Variants in ZNF385D observed in about 807,000 individuals in gnomAD.
ZNF385D encodes zinc finger protein 385D.
A neutral mutation model predicts 35.8 loss-of-function variants in ZNF385D; 15 were observed. The observed-to-expected ratio is 0.42, with a 90% CI of 0.28 to 0.64. ZNF385D has a LOEUF of 0.64. Among genes scored for constraint, ZNF385D ranks in the 30% least tolerant of loss-of-function variants. ZNF385D has a pLI of 0.23. For synonymous variants in ZNF385D, 212 were observed against 186.8 expected (o/e 1.13, Z -1.10); for missense variants, 474 against 494.6 (o/e 0.96, Z 0.39).
chr3:22,168,189 C>T (rs1461511993), intron 3 of ZNF385D, among the ~76,000 whole-genome samples: 1 of 152,136 alleles, frequency 6.6e-6, no homozygotes, highest in African/African-American at 2.4e-5. Context: ...TGTACGGGCC[C>T]ACCCTCCTCT....
intron 3 of ZNF385D, among the ~76,000 whole-genome samples, chr3:21,960,917 A>T (rs1702551815): frequency 6.6e-6 from 1 of 152,078 alleles, no homozygotes; most frequent in Non-Finnish European, 1.5e-5. Context: ...GTATTAGAGG[A>T]TATGGAGAAG....
chr3:22,222,190 T>A (rs1164704395), intron 2 of ZNF385D, among the ~76,000 whole-genome samples: 1 of 152,048 alleles, frequency 6.6e-6, no homozygotes, highest in Non-Finnish European at 1.5e-5. Flanking sequence ...TTGGCTAGGC[T>A]GGTCCTGTCC....
intron 4 of ZNF385D, among the ~76,000 whole-genome samples, chr3:21,506,685 T>C (rs1420481144): frequency 6.6e-6 from 1 of 152,348 alleles, no homozygotes; most frequent in South Asian, 2.1e-4. Flanking sequence ...GGAAATGCTC[T>C]ATGAAATATT....
chr3:21,892,328 G>C (rs1698911324), intron 3 of ZNF385D, among the ~76,000 whole-genome samples: 1 of 152,128 alleles, frequency 6.6e-6, no homozygotes, highest in Admixed American at 6.5e-5. Flanking sequence ...AAACCTAGAA[G>C]GAGAAATAAT....
In ZNF385D at chr3:22,072,147, C is replaced by T. The variant is rs918604594; in HGVS notation, c.325+96670G>A. Among the ~76,000 whole-genome samples the T allele has an allele frequency of 4.6e-5, 7 of 152,038 alleles. No individual in the cohort carries two copies. The East Asian group carries it at 1.2e-3, about 25-fold the overall frequency. On this transcript the variant is annotated intron_variant, in intron 3 of 5. Coordinates refer to the ZNF385D transcript ENST00000494108. ...CAGAATCATGAGATTATAAATTAGA[C>T]ACCTCTATTCTAAGTTAGTTTTATA...
rs558241421 is a variant in ZNF385D, at chr3:22,319,930, TA to T, written c.106+52519del. 1.6e-4 allele frequency among the ~76,000 whole-genome samples: 25 copies of T among 152,306 alleles called. No individual in the cohort carries two copies. In the East Asian group the frequency reaches 4.6e-3, roughly 28 times the overall value. On this transcript the variant is annotated intron_variant, in intron 2 of 5. Transcript: ENST00000494108. ...TGCTATGTCCCATAGGTTTTTATCA[TA>T]AAACATCTTACTATTTATTATTTTG...
chr3:22,311,071 C>A (rs1379367284), intron 2 of ZNF385D, among the ~76,000 whole-genome samples: 4 of 151,298 alleles, frequency 2.6e-5, no homozygotes, highest in African/African-American at 7.3e-5. Flanking sequence ...AGCAAGCAAC[C>A]CAGGTTATTG....
intron 2 of ZNF385D, among the ~76,000 whole-genome samples, chr3:22,193,602 AATCT>A (rs1696209679): frequency 6.6e-6 from 1 of 152,016 alleles, no homozygotes; most frequent in Non-Finnish European, 1.5e-5. Context: ...CAGTTTTTCT[AATCT>A]ATTTGACCAC....
chr3:21,652,504 A>G (rs1196910521), intron 2 of ZNF385D, among the ~76,000 whole-genome samples: 1 of 152,160 alleles, frequency 6.6e-6, no homozygotes, highest in East Asian at 1.9e-4. Context: ...TTTAAGTTTT[A>G]GGATACATGT....
At chr3:21,872,166 T>TA (rs1201045540) in intron 3 of ZNF385D, among the ~76,000 whole-genome samples, 3 of 152,170 alleles carry the variant, frequency 2.0e-5, no homozygotes, top group Non-Finnish European at 4.4e-5. Context: ...ATTTATAAGT[T>TA]AAAAACACAC....
chr3:21,891,119 A>AT (rs200523058), intron 3 of ZNF385D, among the ~76,000 whole-genome samples: 2,348 of 152,318 alleles, frequency 0.015, 17 homozygotes, highest in Non-Finnish European at 0.02. Context: ...GTAATACTCT[A>AT]TAAGATTTTT....
At chr3:21,913,373 T>A (rs544833354) in intron 3 of ZNF385D, among the ~76,000 whole-genome samples, 1 of 152,068 alleles carries the variant, frequency 6.6e-6, no homozygotes, top group Non-Finnish European at 1.5e-5. Flanking sequence ...ACAGAAAAAA[T>A]TGGCACATTC....
chr3:21,952,941 AAG>A (rs1291909663), intron 3 of ZNF385D, among the ~76,000 whole-genome samples: 5 of 152,022 alleles, frequency 3.3e-5, no homozygotes, highest in Non-Finnish European at 7.4e-5. Context: ...CAGACTTTCA[AAG>A]AGGTTTCCCA....
intron 3 of ZNF385D, among the ~76,000 whole-genome samples, chr3:22,044,773 C>A (rs1022158161): frequency 6.6e-6 from 1 of 152,004 alleles, no homozygotes; most frequent in Admixed American, 6.6e-5. Flanking sequence ...CTTCCAAGAT[C>A]TTCAAGTTTC....
Position 21,414,218 on chromosome 3 carries a change from CAAAAA to C in ZNF385D, c.*6991_*6995del, listed in dbSNP as rs367724582. On this transcript the variant is annotated 3_prime_UTR_variant, in exon 8 of 8. Coordinates refer to ENST00000281523, the MANE Select transcript of ZNF385D (RefSeq NM_024697.3). ...CAAAACAAAACAAAACAAAACAAAA[CAAAAA>C]AAAGTTCAGTTAGGAGACCTTAGTT... is the stretch of plus-strand genomic sequence containing the variant. The C allele has an allele frequency of 4.2e-5, 2 of 47,974 alleles. No individual in the cohort carries two copies. Among genetic ancestry groups the C allele is most frequent in the African/African-American group, 1.0e-4 (2 of 19,602 alleles). The allele number at this position is 47,974 out of a possible 1,614,324, so 3.0% of individuals were successfully genotyped here. A position where few individuals can be genotyped will look rare whatever the true frequency, so the allele number is the denominator to read the frequency against.
At chr3:22,033,095 T>A (rs1182831624) in intron 3 of ZNF385D, among the ~76,000 whole-genome samples, 3 of 151,950 alleles carry the variant, frequency 2.0e-5, no homozygotes, top group Admixed American at 6.6e-5. Context: ...TGCTGCGAGG[T>A]CAAAGAGTAT....
intron 3 of ZNF385D, among the ~76,000 whole-genome samples, chr3:21,843,163 A>G (rs572587264): frequency 2.1e-4 from 32 of 152,158 alleles, no homozygotes; most frequent in African/African-American, 7.2e-4. Flanking sequence ...GCTGAACAGG[A>G]CAATCATTGT....
chr3:21,748,973 A>G (rs971331185), intron 1 of ZNF385D, among the ~76,000 whole-genome samples: 9 of 152,148 alleles, frequency 5.9e-5, no homozygotes, highest in African/African-American at 2.2e-4. Context: ...GATATCTAAC[A>G]GCTTGTACGA....
intron 1 of ZNF385D, among the ~76,000 whole-genome samples, chr3:21,729,892 C>T (rs902094880): frequency 2.0e-5 from 3 of 152,154 alleles, no homozygotes; most frequent in Non-Finnish European, 2.9e-5. Context: ...TGCTGGAATG[C>T]AGGAGCAACC....
Sources: gnomAD v4.1 joint callset for allele counts (sites outside exome capture counted in the v4.1 genomes callset) on GRCh38, gnomAD v4.1.1 for gene constraint, MANE v1.5 for transcripts, NCBI Gene and HGNC (gene_info 2026-07-23, HGNC 2026-07-21) for gene names.